RIMKLB: variants seen among roughly 807,000 people sequenced by gnomAD.
RIMKLB encodes ribosomal modification protein rimK like family member B.
A neutral mutation model predicts 32.0 loss-of-function variants in RIMKLB; 7 were observed. The observed-to-expected ratio is 0.22, with a 90% CI of 0.12 to 0.41. The LOEUF is 0.41. Among genes scored for constraint, RIMKLB ranks in the 10% least tolerant of loss-of-function variants. RIMKLB has a pLI of 1.00. For missense variants in RIMKLB, 289 were observed against 498.7 expected (o/e 0.58, Z 4.00); for synonymous variants, 172 against 185.1 (o/e 0.93, Z 0.57).
chr12:8,711,590 A>C (rs1371560440), intron 1 of RIMKLB, among the ~76,000 whole-genome samples: 1 of 152,044 alleles, frequency 6.6e-6, no homozygotes, highest in Admixed American at 6.6e-5. Flanking sequence ...ACATATGTAT[A>C]CATGTGACAT....
At chr12:8,744,237 T>A (rs1947866284) in intron 2 of RIMKLB, among the ~76,000 whole-genome samples, 1 of 151,936 alleles carries the variant, frequency 6.6e-6, no homozygotes, top group Non-Finnish European at 1.5e-5. Flanking sequence ...CAGCCTTGGA[T>A]CACTTCTGTT....
downstream of RIMKLB, chr12:8,778,964 A>G (rs952539573): frequency 6.6e-6 from 1 of 152,234 alleles, no homozygotes; most frequent in Non-Finnish European, 1.5e-5. Context: ...TCTTATAAGG[A>G]CAGTCATTCC....
chr12:8,743,503 T>A (rs773393636), intron 2 of RIMKLB, among the ~76,000 whole-genome samples: 1 of 142,490 alleles, frequency 7.0e-6, no homozygotes, highest in East Asian at 1.9e-4. Context: ...GTACTTACTA[T>A]TATTAAGAGT....
intron 5 of RIMKLB, among the ~76,000 whole-genome samples, chr12:8,757,422 A>G (rs1047110786): frequency 4.7e-5 from 7 of 149,024 alleles, no homozygotes; most frequent in Non-Finnish European, 5.9e-5. Flanking sequence ...GGTCCCAGCT[A>G]CTTGGGAGGC....
At chr12:8,715,246 T>TTTTTTTTTTTTTTTG (rs1555153656) in intron 2 of RIMKLB, among the ~76,000 whole-genome samples, 4 of 148,284 alleles carry the variant, frequency 2.7e-5, no homozygotes, top group African/African-American at 1.0e-4. Context: ...TTTTTTTTTT[T>TTTTTTTTTTTTTTTG]GGAGACAGGG....
upstream of RIMKLB, among the ~76,000 whole-genome samples, chr12:8,679,931 A>G: frequency 6.6e-6 from 1 of 152,166 alleles, no homozygotes; most frequent in Non-Finnish European, 1.5e-5. Flanking sequence ...AAGTCACAGG[A>G]TGAGACAGGA....
chr12:8,764,262 G>A (rs752475238), intron 5 of RIMKLB, among the ~76,000 whole-genome samples: 12 of 152,162 alleles, frequency 7.9e-5, no homozygotes, highest in South Asian at 4.1e-4. Flanking sequence ...GGAATTCTTC[G>A]CTTGTCCATA....
chr12:8,761,894 A>G (rs1298452636), intron 5 of RIMKLB, among the ~76,000 whole-genome samples: 1 of 152,150 alleles, frequency 6.6e-6, no homozygotes, highest in Non-Finnish European at 1.5e-5. Flanking sequence ...ACATCGGAGC[A>G]TGGGCTAGCA....
At chr12:8,730,419 C>T (rs928629719) in intron 2 of RIMKLB, among the ~76,000 whole-genome samples, 3 of 152,078 alleles carry the variant, frequency 2.0e-5, no homozygotes, top group African/African-American at 7.2e-5. Context: ...CTTAATTTCC[C>T]AAATCATCTC....
rs572530433 is a variant in RIMKLB at position 8,759,668 on chromosome 12, A to G, written c.697+5575A>G. ...TCTGACCAACGACTACTAAATGCCA[A>G]TATGTCCGCCCCAGATCTCAAACAA... On this transcript the variant is annotated intron_variant, in intron 5 of 5. Coordinates refer to ENST00000535829, the MANE Select transcript of RIMKLB (RefSeq NM_001297776.2). 1.1e-3 allele frequency among the ~76,000 whole-genome samples: 174 copies of G among 152,268 alleles called. 1 individual carries two copies. The highest frequency in any genetic ancestry group is 1.8e-3 in the Admixed American group (27 of 15,286).
chr12:8,678,517 G>A (rs113728828), upstream of RIMKLB, among the ~76,000 whole-genome samples: 60 of 150,728 alleles, frequency 4.0e-4, no homozygotes, highest in Admixed American at 2.3e-3. Context: ...TAATAGAGAC[G>A]GGGTTTCTCC....
intron 2 of RIMKLB, among the ~76,000 whole-genome samples, chr12:8,715,228 C>CTTTTTTTTTTTTTTTTTTTT (rs61677474): frequency 3.2e-5 from 4 of 123,740 alleles, no homozygotes; most frequent in African/African-American, 1.3e-4. Context: ...TGCTCTTGTT[C>CTTTTTTTTTTTTTTTTTTTT]TTTTTTTTTT....
chr12:8,686,986 CTG>C (rs1942596456), intron 1 of RIMKLB, among the ~76,000 whole-genome samples: 1 of 152,128 alleles, frequency 6.6e-6, no homozygotes, highest in African/African-American at 2.4e-5. Flanking sequence ...TCTGGTGTGT[CTG>C]TGGTGGGGTA....
the RIMKLB span, among the ~76,000 whole-genome samples, chr12:8,674,575 C>T: frequency 3.4e-5 from 5 of 148,936 alleles, no homozygotes; most frequent in African/African-American, 1.2e-4. Context: ...AGGGGTCCGG[C>T]GTCTCGCCCT....
At chr12:8,713,746 A>G in intron 1 of RIMKLB, 65 bp from the exon 2 acceptor site, 1 of 958,030 alleles carries the variant, frequency 1.0e-6, no homozygotes, top group Non-Finnish European at 1.6e-6. Flanking sequence ...ATTTATTTGT[A>G]TGAAATCCAG....
At chr12:8,705,556 A>C (rs936948099) in intron 1 of RIMKLB, among the ~76,000 whole-genome samples, 35 of 152,054 alleles carry the variant, frequency 2.3e-4, no homozygotes, top group African/African-American at 8.4e-4. Context: ...ACAGTGAAAG[A>C]AGGATGGAAA....
intron 1 of RIMKLB, among the ~76,000 whole-genome samples, chr12:8,707,237 G>GC (rs1197610399): frequency 1.3e-5 from 2 of 152,096 alleles, no homozygotes; most frequent in East Asian, 1.9e-4. Flanking sequence ...CCCGTACCAT[G>GC]CCCCCCACCA....
intron 2 of RIMKLB, among the ~76,000 whole-genome samples, chr12:8,725,851 G>T (rs1218889423): frequency 1.3e-5 from 2 of 152,022 alleles, no homozygotes; most frequent in Non-Finnish European, 2.9e-5. Context: ...ACTGTTTTTG[G>T]TTCGTTTGTT....
At chr12:8,697,207 G>A (rs997967580), upstream of RIMKLB, 2 of 152,148 alleles carry the variant, frequency 1.3e-5, no homozygotes, top group Non-Finnish European at 2.9e-5. Context: ...GGCAGAGCTG[G>A]CGCTATCCAC....
Sources: gnomAD v4.1 joint callset for allele counts (sites outside exome capture counted in the v4.1 genomes callset) on GRCh38, gnomAD v4.1.1 for gene constraint, MANE v1.5 for transcripts, NCBI Gene and HGNC (gene_info 2026-07-23, HGNC 2026-07-21) for gene names.